The following FAT3 variants were observed in gnomAD, a reference collection of about 807,000 sequenced individuals.
FAT3 encodes the protein FAT atypical cadherin 3, also known as protocadherin Fat 3.
FAT3 carries 95 observed loss-of-function variants against 310.2 expected under a neutral mutation model. That is an observed-to-expected ratio of 0.31 (90% CI 0.26 to 0.36). The LOEUF (loss-of-function observed/expected upper bound fraction) is 0.36, where lower values mean the gene tolerates loss of function less well. Among genes scored for constraint, FAT3 ranks in the 10% least tolerant of loss-of-function variants. The probability of loss-of-function intolerance (pLI) is 1.00; values close to 1 mark genes in which losing one functional copy is unlikely to be tolerated. For synonymous variants in FAT3, 2,314 were observed against 2,192.9 expected (o/e 1.06, Z -1.54); for missense variants, 5,408 against 5,715.6 (o/e 0.95, Z 1.74).
At chr11:92,555,669 G>T (rs1426069477) in intron 3 of FAT3, among the ~76,000 whole-genome samples, 1 of 152,206 alleles carries the variant, frequency 6.6e-6, no homozygotes, top group Non-Finnish European at 1.5e-5. Context: ...GCAGTGGCCT[G>T]TGTTGACTAA....
chr11:92,894,108 G>A lies in FAT3; in HGVS notation c.*2995G>A, dbSNP rs1949972508. 1 of 152,098 alleles carries A rather than the reference G, an allele frequency of 6.6e-6. No individual in the cohort carries two copies. 9.4% of individuals were successfully genotyped at this position (152,098 alleles called of 1,614,324 possible). On this transcript the variant is annotated 3_prime_UTR_variant, in exon 28 of 28. Coordinates refer to ENST00000525166, the MANE Select transcript of FAT3 (RefSeq NM_001367949.2). The stretch of plus-strand genomic sequence containing the variant: ...CTCTGACTTCCACCATTCCTTCTTT[G>A]GAATATGCTATAAAAGAAAATTCAT...
At chr11:92,308,471 A>G (rs1947197562) in intron 1 of FAT3, among the ~76,000 whole-genome samples, 1 of 152,170 alleles carries the variant, frequency 6.6e-6, no homozygotes, top group Non-Finnish European at 1.5e-5. Flanking sequence ...ATGAAATCAA[A>G]ACCAGAGAAA....
chr11:92,625,707 C>T (rs1369467706), intron 3 of FAT3, among the ~76,000 whole-genome samples: 3 of 151,638 alleles, frequency 2.0e-5, no homozygotes, highest in Admixed American at 1.3e-4. Flanking sequence ...TTGTCAGCCC[C>T]CAAATCAGGA....
chr11:92,392,067 A>G (rs1949762938), intron 2 of FAT3, among the ~76,000 whole-genome samples: 1 of 152,088 alleles, frequency 6.6e-6, no homozygotes, highest in Non-Finnish European at 1.5e-5. Flanking sequence ...CTCCCATAAG[A>G]ACAGCCAGGT....
chr11:92,534,301 G>A (rs1954176414), intron 3 of FAT3, among the ~76,000 whole-genome samples: 1 of 152,124 alleles, frequency 6.6e-6, no homozygotes, highest in Non-Finnish European at 1.5e-5. Context: ...ACAAAACTCT[G>A]GGCTCTGGGC....
At chr11:92,600,346 A>C (rs571636714) in intron 3 of FAT3, among the ~76,000 whole-genome samples, 1 of 152,312 alleles carries the variant, frequency 6.6e-6, no homozygotes, top group Non-Finnish European at 1.5e-5. Context: ...GCTACATTTG[A>C]GATGGTTGCT....
rs753334111 is a variant in FAT3, at chr11:92,883,070, A to G, written c.12614A>G (p.Asn4205Ser). ...ACCGCCGCCCTGCTTAACAAGAGCA[A>G]TGGCATCCCGTTCCGGAACCTGCGC... is the stretch of plus-strand genomic sequence containing the variant. ...PATAALLNKSNGIPFRNLRGS... is the reference protein window; with the variant it reads ...PATAALLNKSSGIPFRNLRGS... The change falls in exon 24 of 28, where the codon AAT becomes AGT. Residue 4205 changes from asparagine to serine, a missense_variant. Transcript: ENST00000525166. The surrounding 1 kb of genome is among the most constrained non-coding windows in gnomAD (Gnocchi z 4.2). 2.5e-6 allele frequency: 4 copies of G among 1,613,944 alleles called. No individual in the cohort carries two copies. Among genetic ancestry groups the G allele is most frequent in the Non-Finnish European group, 3.4e-6 (4 of 1,179,900 alleles).
chr11:92,749,634 CG>C (rs1565563276), intron 4 of FAT3, among the ~76,000 whole-genome samples: 3 of 152,108 alleles, frequency 2.0e-5, no homozygotes, highest in African/African-American at 7.2e-5. Context: ...GAGACTATGA[CG>C]GAGGTAGGAA....
chr11:92,442,850 T>C (rs1951107606), intron 2 of FAT3, among the ~76,000 whole-genome samples: 1 of 152,190 alleles, frequency 6.6e-6, no homozygotes, highest in African/African-American at 2.4e-5. Flanking sequence ...ATACATGAGC[T>C]AAGGTGCTTA....
At chr11:92,409,273 TG>T (rs1591245620) in intron 2 of FAT3, among the ~76,000 whole-genome samples, 1 of 152,084 alleles carries the variant, frequency 6.6e-6, no homozygotes, top group East Asian at 1.9e-4. Flanking sequence ...TGTGTGTGTG[TG>T]TGTATGTGTG....
Position 92,509,789 on chromosome 11 carries a change from TG to T in FAT3, c.3293-14841del, listed in dbSNP as rs1325383368. 1.6e-3 allele frequency among the ~76,000 whole-genome samples: 246 copies of T among 152,280 alleles called. 3 individuals are homozygous for T. Among genetic ancestry groups the T allele is most frequent in the Non-Finnish European group, 1.8e-4 (12 of 68,014 alleles). On this transcript the variant is annotated intron_variant, in intron 2 of 27. Coordinates refer to ENST00000525166, the MANE Select transcript of FAT3 (RefSeq NM_001367949.2). ...AAAACTACAGATAAATATACTGCTT[TG>T]GGGTGAAAATAATATAGAACAAAGG...
intron 3 of FAT3, among the ~76,000 whole-genome samples, chr11:92,677,755 G>A (rs1455488273): frequency 4.6e-5 from 7 of 152,140 alleles, no homozygotes; most frequent in Admixed American, 1.3e-4. Flanking sequence ...GATCGTCCAG[G>A]TTATTGGTGT....
intron 3 of FAT3, among the ~76,000 whole-genome samples, chr11:92,580,234 A>G (rs1165673972): frequency 6.6e-6 from 1 of 152,034 alleles, no homozygotes; most frequent in Non-Finnish European, 1.5e-5. Flanking sequence ...TTGCTTCTCT[A>G]GTCAACTCCA....
chr11:92,412,400 C>CTTTTTT (rs1446543734), intron 2 of FAT3, among the ~76,000 whole-genome samples: 5 of 46,316 alleles, frequency 1.1e-4, no homozygotes, highest in Admixed American at 3.5e-4. Flanking sequence ...CAGACCCGGC[C>CTTTTTT]TATTTTTTTT....
intron 13 of FAT3, among the ~76,000 whole-genome samples, chr11:92,814,806 C>T (rs1947778764): frequency 6.6e-6 from 1 of 152,168 alleles, no homozygotes; most frequent in Admixed American, 6.5e-5. Context: ...CAGCAAACCA[C>T]CATGGCACAT....
Position 92,678,797 on chromosome 11 carries a change from T to A in FAT3, c.3608-18587T>A, listed in dbSNP as rs1295664472. ...AAATTATAGAAGTTAAATATACTTT[T>A]TTAACTTTTTTAAATTTGCACAAAT... On this transcript the variant is annotated intron_variant, in intron 3 of 27. Transcript: ENST00000525166. 2.6e-5 allele frequency among the ~76,000 whole-genome samples: 4 copies of A among 152,330 alleles called. No homozygotes were observed. In the East Asian group the frequency reaches 7.7e-4, roughly 29 times the overall value.
chr11:92,862,839 T>C (rs1299835801), intron 21 of FAT3, among the ~76,000 whole-genome samples: 1 of 152,234 alleles, frequency 6.6e-6, no homozygotes, highest in Non-Finnish European at 1.5e-5. Flanking sequence ...GGTATGAGTG[T>C]CTACTTTTTT....
intron 1 of FAT3, among the ~76,000 whole-genome samples, chr11:92,301,263 A>G (rs1384281265): frequency 6.6e-6 from 1 of 152,142 alleles, no homozygotes; most frequent in Non-Finnish European, 1.5e-5. Flanking sequence ...CAAATGTAGT[A>G]AGGACATACA....
intron 3 of FAT3, among the ~76,000 whole-genome samples, chr11:92,662,631 CT>C (rs1383895739): frequency 6.6e-6 from 1 of 152,172 alleles, no homozygotes; most frequent in African/African-American, 2.4e-5. Context: ...CACATTTTCC[CT>C]CTTCTTGTGT....
Sources: allele counts gnomAD v4.1 joint callset (sites outside exome capture counted in the v4.1 genomes callset), GRCh38; gene constraint gnomAD v4.1.1; non-coding constraint Gnocchi (gnomAD v3.1); transcripts MANE v1.5; gene names NCBI Gene and HGNC (gene_info 2026-07-23, HGNC 2026-07-21).